ANKIB1: variants seen among roughly 807,000 people sequenced by gnomAD.
ANKIB1 encodes ankyrin repeat and IBR domain-containing protein 1.
ANKIB1 carries 43 observed loss-of-function variants against 122.1 expected under a neutral mutation model. That is an observed-to-expected ratio of 0.35 (90% CI 0.28 to 0.45). The LOEUF is 0.45. Among genes scored for constraint, ANKIB1 ranks in the 20% least tolerant of loss-of-function variants. The pLI, the probability that ANKIB1 is intolerant of heterozygous loss-of-function variation, is 1.00. For synonymous variants in ANKIB1, 390 were observed against 442.0 expected (o/e 0.88, Z 1.48); for missense variants, 992 against 1,329.5 (o/e 0.75, Z 3.95).
In ANKIB1 at chr7:92,399,573, T is replaced by C. The variant is rs373270997; in HGVS notation, c.*624T>C. The C allele has an allele frequency of 3.2e-4, 48 of 152,336 alleles. 1 individual carries two copies. Among genetic ancestry groups the C allele is most frequent in the African/African-American group, 9.9e-4 (41 of 41,574 alleles). 9.4% of individuals were successfully genotyped at this position (152,336 alleles called of 1,614,324 possible). A position where few individuals can be genotyped will look rare whatever the true frequency, so the allele number is the denominator to read the frequency against. ...CAATTGTGCCAAACTCTTACTTGTGTGCTGACTAACAAGGCATTTAGGTGT... is the reference window on the plus strand; with the variant it reads ...CAATTGTGCCAAACTCTTACTTGTGCGCTGACTAACAAGGCATTTAGGTGT... On this transcript the variant is annotated 3_prime_UTR_variant, in exon 20 of 20. Coordinates refer to ENST00000265742, the MANE Select transcript of ANKIB1 (RefSeq NM_019004.2).
chr7:92,376,144 C>A (rs186967201), intron 11 of ANKIB1, among the ~76,000 whole-genome samples: 1 of 152,288 alleles, frequency 6.6e-6, no homozygotes, highest in African/African-American at 2.4e-5. Flanking sequence ...TAGCATAGTT[C>A]TTAAACACCC....
At chr7:92,373,178 A>T (rs1804311929) in intron 11 of ANKIB1, among the ~76,000 whole-genome samples, 1 of 152,160 alleles carries the variant, frequency 6.6e-6, no homozygotes, top group African/African-American at 2.4e-5. Flanking sequence ...TTTATTGTTC[A>T]GCTAAGGATC....
At chr7:92,258,238 A>G (rs1054037831) in intron 1 of ANKIB1, among the ~76,000 whole-genome samples, 3 of 152,242 alleles carry the variant, frequency 2.0e-5, no homozygotes, top group African/African-American at 7.2e-5. Context: ...TAAATGTCAG[A>G]TGCATAAGGC....
chr7:92,388,460 G>A (rs1804714265), intron 14 of ANKIB1, among the ~76,000 whole-genome samples: 1 of 152,222 alleles, frequency 6.6e-6, no homozygotes, highest in Non-Finnish European at 1.5e-5. Context: ...CTAAGGGCGT[G>A]GAAGTCAATA....
intron 2 of ANKIB1, 43 bp downstream of exon 2, chr7:92,295,209 A>G (rs1347651081): frequency 4.5e-6 from 6 of 1,337,530 alleles, no homozygotes; most frequent in Middle Eastern, 1.9e-4. Context: ...GTATTACCGT[A>G]AACTAATTGG....
intron 1 of ANKIB1, among the ~76,000 whole-genome samples, chr7:92,256,601 T>G (rs1801451202): frequency 6.6e-6 from 1 of 152,188 alleles, no homozygotes. Context: ...GGCTTCTATC[T>G]TATAAAATGA....
intron 2 of ANKIB1, among the ~76,000 whole-genome samples, chr7:92,295,958 G>GA (rs1554337091): frequency 1.3e-5 from 2 of 152,066 alleles, no homozygotes; most frequent in Non-Finnish European, 2.9e-5. Context: ...GATGCTGGAA[G>GA]AGAAAGGAAA....
chr7:92,339,517 A>C (rs760820514), intron 5 of ANKIB1, among the ~76,000 whole-genome samples: 19 of 152,194 alleles, frequency 1.2e-4, no homozygotes, highest in Non-Finnish European at 2.5e-4. Context: ...TACTTCAGTT[A>C]GATTTAAATA....
At chr7:92,367,822 G>A (rs1212140732) in intron 10 of ANKIB1, among the ~76,000 whole-genome samples, 2 of 152,090 alleles carry the variant, frequency 1.3e-5, no homozygotes, top group African/African-American at 4.8e-5. Context: ...TTTTTCATGG[G>A]ACATACTCAA....
intron 10 of ANKIB1, among the ~76,000 whole-genome samples, chr7:92,370,324 T>C (rs934341710): frequency 1.3e-5 from 2 of 151,204 alleles, no homozygotes; most frequent in African/African-American, 4.9e-5. Flanking sequence ...CTGGCTAACA[T>C]GGTGAAACCC....
At chr7:92,386,909 A>G (rs1017235520) in intron 12 of ANKIB1, among the ~76,000 whole-genome samples, 2 of 152,128 alleles carry the variant, frequency 1.3e-5, no homozygotes, top group South Asian at 2.1e-4. Flanking sequence ...CAATTTTAAC[A>G]TTAATATCAA....
chr7:92,270,265 G>A (rs1199943727), intron 1 of ANKIB1, among the ~76,000 whole-genome samples: 2 of 151,972 alleles, frequency 1.3e-5, no homozygotes, highest in Non-Finnish European at 2.9e-5. Context: ...ATCTTGCTAT[G>A]CTGCCTAGGC....
intron 18 of ANKIB1, 55 bp downstream of exon 18, chr7:92,396,531 T>C: frequency 4.7e-6 from 4 of 853,536 alleles, no homozygotes; most frequent in Non-Finnish European, 7.4e-6. Context: ...AATTTATCCT[T>C]CAAACTGGCT....
rs556385632 is a variant in ANKIB1, at chr7:92,383,013, AAG to A, written c.1618-3490_1618-3489del. Among the ~76,000 whole-genome samples the A allele has an allele frequency of 2.4e-3, 362 of 152,296 alleles. 2 individuals are homozygous for A. Among genetic ancestry groups the A allele is most frequent in the African/African-American group, 8.1e-3 (338 of 41,552 alleles). ...CGCTAGCAAGACTAATAAAGAAGAA[AAG>A]AGAGAAGAATCCAATAGATGCAATA... On this transcript the variant is annotated intron_variant, in intron 11 of 19. Coordinates refer to ENST00000265742, the MANE Select transcript of ANKIB1 (RefSeq NM_019004.2).
intron 2 of ANKIB1, among the ~76,000 whole-genome samples, chr7:92,304,672 CT>C (rs1214030899): frequency 1.3e-5 from 2 of 151,968 alleles, no homozygotes; most frequent in Admixed American, 6.6e-5. Context: ...AAAATGAAAT[CT>C]TTTTTTGTCA....
chr7:92,278,470 A>G (rs1801949815), intron 1 of ANKIB1, among the ~76,000 whole-genome samples: 1 of 152,148 alleles, frequency 6.6e-6, no homozygotes, highest in African/African-American at 2.4e-5. Context: ...CTGAAAAACA[A>G]ATCATTTCCT....
intron 12 of ANKIB1, among the ~76,000 whole-genome samples, chr7:92,387,086 T>C (rs1231406493): frequency 1.3e-5 from 2 of 149,084 alleles, no homozygotes; most frequent in Admixed American, 1.3e-4. Context: ...GAGGGTTCTC[T>C]TGGTTTGCAG....
At chr7:92,330,458 A>G (rs1027839027) in intron 5 of ANKIB1, among the ~76,000 whole-genome samples, 1 of 152,136 alleles carries the variant, frequency 6.6e-6, no homozygotes, top group Non-Finnish European at 1.5e-5. Flanking sequence ...TTTTATTGCC[A>G]TGTTTATAAA....
At chr7:92,268,117 AAGAT>A (rs1435537274) in intron 1 of ANKIB1, among the ~76,000 whole-genome samples, 1 of 152,192 alleles carries the variant, frequency 6.6e-6, no homozygotes, top group Non-Finnish European at 1.5e-5. Flanking sequence ...GGGTCCTGAG[AAGAT>A]ACGTCAAGAA....
Sources: allele counts gnomAD v4.1 joint callset (sites outside exome capture counted in the v4.1 genomes callset), GRCh38; gene constraint gnomAD v4.1.1; transcripts MANE v1.5; gene names NCBI Gene and HGNC (gene_info 2026-07-23, HGNC 2026-07-21).